CCDC146: variants seen among roughly 807,000 people sequenced by gnomAD.
CCDC146 encodes the protein coiled-coil domain containing 146, also known as coiled-coil domain-containing protein 146.
Under a neutral mutation model 119.3 loss-of-function variants are expected in CCDC146, and 92 were observed. That is an observed-to-expected ratio of 0.77 (90% CI 0.65 to 0.92). The LOEUF is 0.92. CCDC146 is among the 40% of genes least tolerant of loss of function. CCDC146 has a pLI of 0.00. For synonymous variants in CCDC146, 372 were observed against 371.8 expected (o/e 1.00, Z -0.01); for missense variants, 1,000 against 1,103.0 (o/e 0.91, Z 1.32).
At chr7:77,258,248 G>C (rs1360689902) in intron 6 of CCDC146, 1 of 152,230 alleles carries the variant, frequency 6.6e-6, no homozygotes, top group Non-Finnish European at 1.5e-5. Context: ...CCACCCCCTG[G>C]CTCCCATTCC....
At chr7:77,263,945 T>C (rs372125211) in intron 9 of CCDC146, among the ~76,000 whole-genome samples, 1 of 152,296 alleles carries the variant, frequency 6.6e-6, no homozygotes, top group East Asian at 1.9e-4. Flanking sequence ...GGAAGTTTTC[T>C]ATCTCAGTGA....
intron 1 of CCDC146, among the ~76,000 whole-genome samples, chr7:77,134,269 C>T (rs1790829325): frequency 6.6e-6 from 1 of 151,812 alleles, no homozygotes; most frequent in Non-Finnish European, 1.5e-5. Flanking sequence ...GAAATCAACA[C>T]TGCAAATTTA....
At chr7:77,189,393 T>C (rs1264836510) in intron 2 of CCDC146, among the ~76,000 whole-genome samples, 1 of 152,218 alleles carries the variant, frequency 6.6e-6, no homozygotes, top group Non-Finnish European at 1.5e-5. Context: ...CTGCAACTTT[T>C]CATCATGCTT....
At position 77,256,317 on chromosome 7, in the gene CCDC146, T is replaced by G. The variant is rs1462113655; in HGVS notation, c.508-16T>G. The G allele has an allele frequency of 6.3e-7, 1 of 1,575,204 alleles. No individual in the cohort carries two copies. The highest frequency in any genetic ancestry group is 2.0e-5 in the Admixed American group (1 of 50,742). ...GCTCAGACTATATAACCTAATCATCTTCACGACTTTTAAAGGAAATGGAGA... is the reference window on the plus strand; with the variant it reads ...GCTCAGACTATATAACCTAATCATCGTCACGACTTTTAAAGGAAATGGAGA... On this transcript the variant is annotated splice_polypyrimidine_tract_variant and intron_variant, in intron 5 of 18. Transcript: ENST00000285871.
Position 77,294,944 on chromosome 7 carries a change from C to A in CCDC146, c.*78C>A. On this transcript the variant is annotated 3_prime_UTR_variant, in exon 19 of 19. Transcript: ENST00000285871. ...TGTACCCACAGGTGAAAAATGTGAGCATAATACTTCTAATATTATTGATAA... is the reference window on the plus strand; with the variant it reads ...TGTACCCACAGGTGAAAAATGTGAGAATAATACTTCTAATATTATTGATAA... 2.7e-6 allele frequency: 3 copies of A among 1,106,090 alleles called. No homozygotes were observed. Among genetic ancestry groups the A allele is most frequent in the Non-Finnish European group, 3.9e-6 (3 of 767,816 alleles). 68.5% of individuals were successfully genotyped at this position (1,106,090 alleles called of 1,614,324 possible). A position where few individuals can be genotyped will look rare whatever the true frequency, so the allele number is the denominator to read the frequency against.
rs1793267274 is a variant in CCDC146 at position 77,260,252 on chromosome 7, G to T, written c.986+16G>T. ...TAACTGAAAGGTTAGTTATATTTAT[G>T]TATGTTATGTTCTGTCATCTAAATT... On this transcript the variant is annotated intron_variant, in intron 8 of 18. Coordinates refer to ENST00000285871, the MANE Select transcript of CCDC146 (RefSeq NM_020879.3). 1 of 1,567,954 alleles carries T rather than the reference G, an allele frequency of 6.4e-7. No homozygotes were observed. The highest frequency in any genetic ancestry group is 8.7e-7 in the Non-Finnish European group (1 of 1,147,606).
chr7:77,169,967 A>G (rs963729864), intron 2 of CCDC146, among the ~76,000 whole-genome samples: 2 of 152,182 alleles, frequency 1.3e-5, no homozygotes, highest in African/African-American at 4.8e-5. Flanking sequence ...TTATATCCAC[A>G]CAAATTTAAA....
chr7:77,196,244 A>T lies in CCDC146; in HGVS notation c.156+28420A>T. 1 of 1,474,468 alleles carries T rather than the reference A, an allele frequency of 6.8e-7. No individual in the cohort carries two copies. Among genetic ancestry groups the T allele is most frequent in the Non-Finnish European group, 9.3e-7 (1 of 1,070,402 alleles). The allele number at this position is 1,474,468 out of a possible 1,614,324, so 91.3% of individuals were successfully genotyped here. On this transcript the variant is annotated intron_variant, in intron 2 of 18. Transcript: ENST00000285871. The surrounding 1 kb of genome is among the most constrained non-coding windows in gnomAD (Gnocchi z 4.2). ...TGCTGAAGGAATTAATTGCCCTATT[A>T]GATAACGAATACCTGGAGGAATGAA...
intron 1 of CCDC146, among the ~76,000 whole-genome samples, chr7:77,166,829 C>G (rs150616983): frequency 6.6e-6 from 1 of 151,916 alleles, no homozygotes; most frequent in Non-Finnish European, 1.5e-5. Context: ...TGTGGGTCAC[C>G]CTGCCAATAT....
chr7:77,255,613 G>T lies in CCDC146; in HGVS notation c.508-720G>T, dbSNP rs376597325. 3.9e-5 allele frequency: 6 copies of T among 152,200 alleles called. No individual in the cohort carries two copies. The East Asian group carries it at 1.2e-3, about 29-fold the overall frequency. 9.4% of individuals were successfully genotyped at this position (152,200 alleles called of 1,614,324 possible). ...ACCAATGATGCTCTCACCCAGCAGT[G>T]GTGGGAGGAGGGAGCTATGCAGAAA... is the stretch of plus-strand genomic sequence containing the variant. On this transcript the variant is annotated intron_variant, in intron 5 of 18. Transcript: ENST00000285871.
chr7:77,293,808 TCCAAGGAGTC>T (rs1793995689), intron 18 of CCDC146, among the ~76,000 whole-genome samples: 1 of 152,214 alleles, frequency 6.6e-6, no homozygotes, highest in Non-Finnish European at 1.5e-5. Context: ...GGCATCTCTT[TCCAAGGAGTC>T]TACATCCTCC....
At chr7:77,218,900 T>C (rs1792349025) in intron 2 of CCDC146, among the ~76,000 whole-genome samples, 1 of 152,058 alleles carries the variant, frequency 6.6e-6, no homozygotes, top group Non-Finnish European at 1.5e-5. Context: ...CAATGAATTC[T>C]CTATTTTTTA....
chr7:77,162,247 T>C (rs1030301791), intron 1 of CCDC146, among the ~76,000 whole-genome samples: 2 of 152,092 alleles, frequency 1.3e-5, no homozygotes, highest in African/African-American at 4.8e-5. Context: ...ACTTTTTTCC[T>C]ATGTTTTCTT....
At chr7:77,199,604 A>G in intron 2 of CCDC146, 2 of 1,614,128 alleles carry the variant, frequency 1.2e-6, no homozygotes, top group Non-Finnish European at 1.7e-6. Context: ...TGAATAGTCA[A>G]GGGGGGCAGG....
intron 2 of CCDC146, among the ~76,000 whole-genome samples, chr7:77,222,474 G>C (rs1332010535): frequency 6.6e-6 from 1 of 152,158 alleles, no homozygotes; most frequent in Non-Finnish European, 1.5e-5. Flanking sequence ...CCTAGAGCTG[G>C]GGTATACTGA....
intron 15 of CCDC146, among the ~76,000 whole-genome samples, chr7:77,283,671 A>G (rs2150550207): frequency 6.6e-6 from 1 of 152,284 alleles, no homozygotes; most frequent in African/African-American, 2.4e-5. Flanking sequence ...ACATCTTGTC[A>G]TTTATTTTCT....
chr7:77,262,317 G>A lies in CCDC146; in HGVS notation c.1173+10G>A, dbSNP rs1250569988. Reference sequence around the variant, plus strand: ...AAGGCTTCTATTAGAGGTGAGGGCTGTAAACTACCATCTGATTTTTAAGCT... The same window carrying A: ...AAGGCTTCTATTAGAGGTGAGGGCTATAAACTACCATCTGATTTTTAAGCT... On this transcript the variant is annotated intron_variant, in intron 9 of 18. Transcript: ENST00000285871. 6.6e-7 allele frequency: 1 copy of A among 1,505,444 alleles called. No individual in the cohort carries two copies. Among genetic ancestry groups the A allele is most frequent in the Non-Finnish European group, 8.9e-7 (1 of 1,123,716 alleles). 93.3% of individuals were successfully genotyped at this position (1,505,444 alleles called of 1,614,324 possible).
Position 77,230,318 on chromosome 7 carries a change from C to T in CCDC146, c.157-6629C>T, listed in dbSNP as rs559944616. On this transcript the variant is annotated intron_variant, in intron 2 of 18. Coordinates refer to ENST00000285871, the MANE Select transcript of CCDC146 (RefSeq NM_020879.3). ...ATTGAGTACACTCTTTGCTTTTTCA[C>T]GTGGATTTGAGTTATTGTTCCTTCT... 1.1e-4 allele frequency among the ~76,000 whole-genome samples: 16 copies of T among 152,118 alleles called. 1 individual carries two copies. The South Asian group carries it at 2.3e-3, about 22-fold the overall frequency.
intron 1 of CCDC146, among the ~76,000 whole-genome samples, chr7:77,132,369 A>G (rs1790796654): frequency 6.6e-6 from 1 of 152,068 alleles, no homozygotes; most frequent in South Asian, 2.1e-4. Context: ...AGGATAATGC[A>G]TCATGACCAA....
Sources: allele counts gnomAD v4.1 joint callset (sites outside exome capture counted in the v4.1 genomes callset), GRCh38; gene constraint gnomAD v4.1.1; non-coding constraint Gnocchi (gnomAD v3.1); transcripts MANE v1.5; gene names NCBI Gene and HGNC (gene_info 2026-07-23, HGNC 2026-07-21).